Variants in NAE1 observed in about 807,000 individuals in gnomAD.
NAE1 encodes NEDD8-activating enzyme E1 regulatory subunit.
NAE1 carries 59 observed loss-of-function variants against 88.0 expected under a neutral mutation model. That is an observed-to-expected ratio of 0.67 (90% CI 0.54 to 0.83). The LOEUF (loss-of-function observed/expected upper bound fraction) is 0.83, where lower values mean the gene tolerates loss of function less well. Ranked by LOEUF, NAE1 falls within the 40% of genes least tolerant of loss-of-function variation. The pLI, the probability that NAE1 is intolerant of heterozygous loss-of-function variation, is 0.00. For missense variants in NAE1, 554 were observed against 632.8 expected, an observed-to-expected ratio of 0.88 and a Z score of 1.34; for synonymous variants, 186 against 208.9, an observed-to-expected ratio of 0.89 and a Z score of 0.95.
chr16:66,816,810 C>T, intron 10 of NAE1, 138 bp from the exon 11 acceptor site: 1 of 1,311,082 alleles, frequency 7.6e-7, no homozygotes, highest in South Asian at 1.5e-5. Flanking sequence ...GTCCTTAAAA[C>T]TATACAAGGC....
intron 11 of NAE1, among the ~76,000 whole-genome samples, chr16:66,816,036 G>A (rs1039747724): frequency 2.0e-5 from 3 of 152,096 alleles, no homozygotes; most frequent in Non-Finnish European, 4.4e-5. Flanking sequence ...AATATCTTAC[G>A]TGCCTTCCTA....
chr16:66,826,455 G>T, intron 3 of NAE1, 68 bp downstream of exon 3: 1 of 1,426,342 alleles, frequency 7.0e-7, no homozygotes, highest in Non-Finnish European at 9.8e-7. Flanking sequence ...CCCTGACTGA[G>T]GAGGTGAAGC....
At chr16:66,808,403 TA>T in intron 17 of NAE1, 117 bp downstream of exon 17, 1 of 731,114 alleles carries the variant, frequency 1.4e-6, no homozygotes, top group Non-Finnish European at 2.2e-6. Flanking sequence ...GTTTGGGGTG[TA>T]ATCTGTTTAC....
At chr16:66,814,628 C>A (rs1959966661) in intron 11 of NAE1, among the ~76,000 whole-genome samples, 2 of 149,646 alleles carry the variant, frequency 1.3e-5, no homozygotes, top group African/African-American at 4.9e-5. Context: ...CACACACACA[C>A]AAATCATAGG....
At chr16:66,827,645 G>A (rs2145356766) in intron 1 of NAE1, 1 of 257,010 alleles carries the variant, frequency 3.9e-6, no homozygotes, top group East Asian at 7.8e-5. Context: ...GCTTATTACT[G>A]TGACTTCTGC....
In NAE1 at chr16:66,830,827, C is replaced by G. The variant is rs1189939570; in HGVS notation, c.53+20G>C. On this transcript the variant is annotated intron_variant, in intron 1 of 19. Coordinates refer to ENST00000290810, the MANE Select transcript of NAE1 (RefSeq NM_003905.4). Reference sequence around the variant, plus strand: ...GGAAAGCCCGCCGGCCCGCCCTCGGCTCGGTGAGCCTCGGCTCACCTCAGC... The same window carrying G: ...GGAAAGCCCGCCGGCCCGCCCTCGGGTCGGTGAGCCTCGGCTCACCTCAGC... 1.3e-6 allele frequency: 2 copies of G among 1,509,824 alleles called. No homozygotes were observed. The highest frequency in any genetic ancestry group is 8.8e-7 in the Non-Finnish European group (1 of 1,135,956). 93.5% of individuals were successfully genotyped at this position (1,509,824 alleles called of 1,614,324 possible).
At chr16:66,803,268 AC>A (rs2145301947) in intron 19 of NAE1, 150 bp from the exon 20 acceptor site, 1 of 604,898 alleles carries the variant, frequency 1.7e-6, no homozygotes, top group East Asian at 2.8e-5. Context: ...AGTCATATCA[AC>A]ATAAAAGCCT....
chr16:66,828,200 G>C (rs534866795), intron 1 of NAE1: 1 of 746,328 alleles, frequency 1.3e-6, no homozygotes, highest in African/African-American at 1.7e-5. Flanking sequence ...AAGAATACTG[G>C]TGCATCTTGG....
intron 15 of NAE1, among the ~76,000 whole-genome samples, chr16:66,810,047 C>A (rs363206): frequency 0.19 from 28,281 of 151,500 alleles, 5,287 homozygotes; most frequent in African/African-American, 0.49. Context: ...GACTTCACAC[C>A]CAAAGTCTTC....
chr16:66,824,326 C>G (rs1960376633), intron 4 of NAE1, among the ~76,000 whole-genome samples: 1 of 152,068 alleles, frequency 6.6e-6, no homozygotes, highest in Admixed American at 6.6e-5. Context: ...GGCGTGGTGG[C>G]TCATGCCTGT....
At chr16:66,816,487 A>C in intron 11 of NAE1, 94 bp downstream of exon 11, 1 of 950,114 alleles carries the variant, frequency 1.1e-6, no homozygotes, top group South Asian at 1.4e-5. Context: ...CATTTAGAAA[A>C]TATTAACTTA....
chr16:66,819,099 T>A (rs759982346), intron 7 of NAE1, among the ~76,000 whole-genome samples: 14 of 152,216 alleles, frequency 9.2e-5, no homozygotes, highest in Non-Finnish European at 1.8e-4. Flanking sequence ...GATTTACATA[T>A]AGTAAAATGC....
chr16:66,829,798 G>T (rs963566670), intron 1 of NAE1, among the ~76,000 whole-genome samples: 2 of 152,252 alleles, frequency 1.3e-5, no homozygotes, highest in Admixed American at 1.3e-4. Flanking sequence ...TAAGGTAGCT[G>T]CTAGCCACAT....
intron 1 of NAE1, chr16:66,827,340 A>G (rs471065): frequency 0.51 from 78,120 of 152,130 alleles, 20,873 homozygotes; most frequent in African/African-American, 0.64. Flanking sequence ...AGGCCAAGGC[A>G]GGCGGATCAC....
intron 2 of NAE1, 21 bp from the exon 3 acceptor site, chr16:66,826,604 A>G (rs1369175587): frequency 1.2e-5 from 19 of 1,614,026 alleles, no homozygotes; most frequent in Non-Finnish European, 1.4e-5. Flanking sequence ...AAACAGAGTC[A>G]GTCAGGAATA....
At chr16:66,813,528 CT>C in intron 13 of NAE1, 35 bp downstream of exon 13, 1 of 1,569,704 alleles carries the variant, frequency 6.4e-7, no homozygotes, top group African/African-American at 1.4e-5. Flanking sequence ...TATAATCAGA[CT>C]TTTTCTATTA....
rs569659510 is a variant in NAE1 at position 66,827,548 on chromosome 16, A to G, written c.54-768T>C. The G allele has an allele frequency of 8.8e-4, 133 of 150,372 alleles. No individual in the cohort carries two copies. The Middle Eastern group carries it at 8.9e-3, about 10-fold the overall frequency. The allele number at this position is 150,372 out of a possible 1,614,324, so 9.3% of individuals were successfully genotyped here. On this transcript the variant is annotated intron_variant, in intron 1 of 19. Transcript: ENST00000290810. ...GCGCCACTGCACTCCAGCCTGGGCG[A>G]CAGAGCGAGACTCCGTCTCAAAAAA...
chr16:66,808,238 C>CA (rs999678359), intron 17 of NAE1, among the ~76,000 whole-genome samples: 20 of 152,258 alleles, frequency 1.3e-4, no homozygotes, highest in African/African-American at 4.3e-4. Context: ...AAATTAAACT[C>CA]AGTGTGAGTC....
rs573874694 is a variant in NAE1, at chr16:66,822,682, T to A, written c.401+545A>T. On this transcript the variant is annotated intron_variant, in intron 6 of 19. Coordinates refer to ENST00000290810, the MANE Select transcript of NAE1 (RefSeq NM_003905.4). ...TATTTATTTATTTATTTATTTTTTT[T>A]TTTTGAGACAGAGTCTAACTCTGTC... 2.4e-3 allele frequency among the ~76,000 whole-genome samples: 356 copies of A among 149,626 alleles called. 1 individual carries two copies. Among genetic ancestry groups the A allele is most frequent in the African/African-American group, 8.3e-3 (343 of 41,232 alleles).
Sources: gnomAD v4.1 joint callset for allele counts (sites outside exome capture counted in the v4.1 genomes callset) on GRCh38, gnomAD v4.1.1 for gene constraint, MANE v1.5 for transcripts, NCBI Gene and HGNC (gene_info 2026-07-23, HGNC 2026-07-21) for gene names.